The following MIAT variants were observed in gnomAD, a reference collection of about 807,000 sequenced individuals.
MIAT encodes myocardial infarction associated transcript.
chr22:26,673,872 G>A (rs5752378), downstream of MIAT: 74,538 of 398,574 alleles, frequency 0.19, 7,495 homozygotes, highest in South Asian at 0.32. Context: ...AGTATAGCCA[G>A]TCTTGCAAGG....
Position 26,658,675 on chromosome 22 carries a change from T to A in MIAT, n.647-4641T>A, listed in dbSNP as rs549431284. On this transcript the variant is annotated intron_variant and non_coding_transcript_variant, in intron 2 of 5. Coordinates refer to ENST00000643270, the Ensembl canonical transcript of MIAT. ...GGGGCGCGCCCTGGATTCCCCACCC[T>A]CATCCCAGGCTCCGGATCCGAGGCT... Among the ~76,000 whole-genome samples, 63 of 152,270 alleles carry A rather than the reference T, an allele frequency of 4.1e-4. No homozygotes were observed. The East Asian group carries it at 0.011, about 27-fold the overall frequency.
downstream of MIAT, chr22:26,672,678 C>G: frequency 2.5e-6 from 1 of 399,012 alleles, no homozygotes; most frequent in African/African-American, 2.1e-5. Flanking sequence ...GCGTATCCCA[C>G]GAGGAAGGCA....
intron 2 of MIAT, among the ~76,000 whole-genome samples, chr22:26,661,017 G>A (rs1330577214): frequency 6.6e-6 from 1 of 152,240 alleles, no homozygotes; most frequent in African/African-American, 2.4e-5. Flanking sequence ...CACCCACTGG[G>A]TGTCAGCTGA....
chr22:26,675,098 A>G, exon 5 of MIAT: 2 of 398,796 alleles, frequency 5.0e-6, no homozygotes, highest in Admixed American at 8.8e-5. Flanking sequence ...AGGAGCTTTA[A>G]TTCTAGTGTG....
intron 2 of MIAT, among the ~76,000 whole-genome samples, chr22:26,653,073 G>A (rs1212555971): frequency 6.6e-6 from 1 of 152,182 alleles, no homozygotes; most frequent in Non-Finnish European, 1.5e-5. Context: ...AACCAAGCAT[G>A]AACTGCAAAG....
intron 2 of MIAT, among the ~76,000 whole-genome samples, chr22:26,649,723 G>T (rs576016628): frequency 4.7e-4 from 71 of 152,190 alleles, no homozygotes; most frequent in Non-Finnish European, 6.8e-4. Flanking sequence ...GACTATCCTG[G>T]CCAACATGGT....
chr22:26,661,797 A>G lies in MIAT; in HGVS notation n.647-1519A>G, dbSNP rs552692857. 1.4e-4 allele frequency among the ~76,000 whole-genome samples: 21 copies of G among 150,030 alleles called. 1 individual carries two copies. In the South Asian group the frequency reaches 3.2e-3, roughly 23 times the overall value. ...TAAACTGAACAGAGATGATTTATCA[A>G]TCATGGGCCAGTTTTCTCACAGTAA... On this transcript the variant is annotated intron_variant and non_coding_transcript_variant, in intron 2 of 5. Coordinates refer to ENST00000643270, the Ensembl canonical transcript of MIAT.
At chr22:26,667,026 C>T in intron 4 of MIAT, 1 of 398,078 alleles carries the variant, frequency 2.5e-6, no homozygotes, top group Non-Finnish European at 4.4e-6. Flanking sequence ...ACCTGTGCCC[C>T]CTCCTCAGGC....
chr22:26,648,797 G>A (rs1187143296), intron 2 of MIAT, among the ~76,000 whole-genome samples: 1 of 152,178 alleles, frequency 6.6e-6, no homozygotes, highest in Admixed American at 6.5e-5. Context: ...GACAGTGTTG[G>A]TGTCTGTTTA....
intron 2 of MIAT, among the ~76,000 whole-genome samples, chr22:26,656,890 C>G (rs1161723226): frequency 6.6e-6 from 1 of 152,120 alleles, no homozygotes; most frequent in African/African-American, 2.4e-5. Context: ...GCCGGGGTGA[C>G]AGAGTGAGGT....
intron 2 of MIAT, among the ~76,000 whole-genome samples, chr22:26,651,767 T>C (rs539491972): frequency 6.6e-6 from 1 of 152,304 alleles, no homozygotes; most frequent in South Asian, 2.1e-4. Context: ...AAAAACATTA[T>C]GCCGAGTGAA....
chr22:26,674,771 A>G (rs900527760), exon 5 of MIAT: 3 of 398,654 alleles, frequency 7.5e-6, no homozygotes, highest in Non-Finnish European at 1.3e-5. Context: ...TTTCACTCAA[A>G]GCAGGAAGCT....
At chr22:26,669,097 G>C (rs1341409243) in exon 6 of MIAT, 1 of 398,498 alleles carries the variant, frequency 2.5e-6, no homozygotes, top group Admixed American at 4.4e-5. Flanking sequence ...CTGTTCTTGG[G>C]GAACAGAAGG....
At chr22:26,676,035 T>A in exon 5 of MIAT, 1 of 398,538 alleles carries the variant, frequency 2.5e-6, no homozygotes, top group Non-Finnish European at 4.4e-6. Context: ...TGCTTTGGAG[T>A]CTACTGAACA....
At chr22:26,657,312 G>GA (rs1358406521) in intron 2 of MIAT, 1 of 394,312 alleles carries the variant, frequency 2.5e-6, no homozygotes, top group African/African-American at 2.1e-5. Context: ...CTCCCTCCAA[G>GA]ACCGGTTGCA....
At chr22:26,675,200 G>A (rs796265364) in exon 5 of MIAT, 11 of 399,026 alleles carry the variant, frequency 2.8e-5, no homozygotes, top group African/African-American at 1.4e-4. Context: ...CTGAGCTGTG[G>A]CTGGGTGGAG....
At chr22:26,670,793 CTG>C (rs1931018095), downstream of MIAT, 1 of 398,210 alleles carries the variant, frequency 2.5e-6, no homozygotes, top group Non-Finnish European at 4.4e-6. Flanking sequence ...TCGTTTAGAA[CTG>C]TGGGAGATGC....
chr22:26,668,996 T>C (rs181647025), exon 6 of MIAT: 1 of 398,628 alleles, frequency 2.5e-6, no homozygotes, highest in Admixed American at 4.4e-5. Context: ...GGAACCAGTC[T>C]TACCCAAAGG....
intron 2 of MIAT, among the ~76,000 whole-genome samples, chr22:26,652,819 C>G (rs1221051111): frequency 6.6e-6 from 1 of 152,174 alleles, no homozygotes; most frequent in Non-Finnish European, 1.5e-5. Context: ...TGTCAGAATT[C>G]TCCTGGAAAT....
Sources: allele counts gnomAD v4.1 joint callset (sites outside exome capture counted in the v4.1 genomes callset), GRCh38; gene constraint gnomAD v4.1.1; transcripts MANE v1.5; gene names NCBI Gene and HGNC (gene_info 2026-07-23, HGNC 2026-07-21).